The following ZNF98 variants were observed in gnomAD, a reference collection of about 807,000 sequenced individuals.
ZNF98 encodes zinc finger protein 98.
Under a neutral mutation model 12.8 loss-of-function variants are expected in ZNF98, and 8 were observed. That is an observed-to-expected ratio of 0.63 (90% CI 0.37 to 1.13). The LOEUF (loss-of-function observed/expected upper bound fraction) is 1.13, where lower values mean the gene tolerates loss of function less well. ZNF98 is among the 50% of genes most tolerant of loss of function. The probability of loss-of-function intolerance (pLI) is 0.01; values close to 1 mark genes in which losing one functional copy is unlikely to be tolerated. For missense variants in ZNF98, 379 were observed against 666.1 expected (o/e 0.57, Z 4.74); for synonymous variants, 112 against 223.5 (o/e 0.50, Z 4.45).
intron 1 of ZNF98, among the ~76,000 whole-genome samples, chr19:22,417,229 CAAAAAAAAAAAAA>C (rs57152900): frequency 8.8e-5 from 4 of 45,480 alleles, no homozygotes; most frequent in African/African-American, 3.2e-4. Context: ...AACTCCATCT[CAAAAAAAAAAAAA>C]AAAAAAAAAA....
chr19:22,413,869 C>CAA (rs57148885), intron 1 of ZNF98, among the ~76,000 whole-genome samples: 3,723 of 42,430 alleles, frequency 0.088, 185 homozygotes, highest in Non-Finnish European at 0.12. Flanking sequence ...AACTCCGTCT[C>CAA]AAAAAAAAAA....
chr19:22,400,381 C>G (rs562698612), intron 3 of ZNF98, among the ~76,000 whole-genome samples: 25 of 152,238 alleles, frequency 1.6e-4, no homozygotes, highest in African/African-American at 5.5e-4. Context: ...CATCTACATC[C>G]TAATATAAAG....
intron 1 of ZNF98, among the ~76,000 whole-genome samples, chr19:22,409,254 T>C (rs1171071090): frequency 2.6e-5 from 4 of 152,150 alleles, no homozygotes; most frequent in Admixed American, 1.3e-4. Flanking sequence ...AAACTGAAAC[T>C]GGACCTCTTC....
At chr19:22,419,061 G>C (rs2145124253) in intron 1 of ZNF98, among the ~76,000 whole-genome samples, 1 of 152,166 alleles carries the variant, frequency 6.6e-6, no homozygotes, top group Non-Finnish European at 1.5e-5. Context: ...CATTAATCTA[G>C]AATCTAACTT....
At chr19:22,418,108 A>G (rs1001422475) in intron 1 of ZNF98, among the ~76,000 whole-genome samples, 1 of 152,172 alleles carries the variant, frequency 6.6e-6, no homozygotes, top group Admixed American at 6.5e-5. Context: ...TAACATTTGA[A>G]TTTGAATTCT....
chr19:22,401,283 A>G (rs1969454119), intron 3 of ZNF98, among the ~76,000 whole-genome samples: 1 of 152,128 alleles, frequency 6.6e-6, no homozygotes, highest in Admixed American at 6.5e-5. Flanking sequence ...TACAAGTGTA[A>G]GTTATGGTTC....
In ZNF98 at chr19:22,392,068, T is replaced by A; in HGVS notation, c.1167A>T (p.Gln389His). The change falls in exon 4 of 4, where the codon CAA (glutamine) becomes CAT (histidine). Residue 389 changes from glutamine to histidine, a missense_variant. This residue lies in a region of ZNF98 where 19 missense variants were observed against 119.7 expected (regional missense o/e 0.16). Coordinates refer to ENST00000357774, the MANE Select transcript of ZNF98 (RefSeq NM_001098626.2). Reference protein sequence around the residue: ...KCEECGKAFKQSSTLTTHKRI... With the variant: ...KCEECGKAFKHSSTLTTHKRI... ...TCTTATGTGTAGTAAGGGTTGAGGATTGTTTAAAAGCTTTGCCACATTCTT... is the reference window on the plus strand; with the variant it reads ...TCTTATGTGTAGTAAGGGTTGAGGAATGTTTAAAAGCTTTGCCACATTCTT... 1 of 1,563,168 alleles carries A rather than the reference T, an allele frequency of 6.4e-7. No homozygotes were observed. The highest frequency in any genetic ancestry group is 8.6e-7 in the Non-Finnish European group (1 of 1,157,252).
intron 1 of ZNF98, among the ~76,000 whole-genome samples, chr19:22,415,117 G>A (rs561819214): frequency 2.0e-5 from 3 of 152,090 alleles, no homozygotes; most frequent in East Asian, 3.9e-4. Context: ...TGGCTAACAA[G>A]CATATAAAAA....
chr19:22,415,867 G>C (rs976021970), intron 1 of ZNF98, among the ~76,000 whole-genome samples: 1 of 150,380 alleles, frequency 6.6e-6, no homozygotes, highest in African/African-American at 2.4e-5. Flanking sequence ...GGCCAAGACA[G>C]GTGGATCACA....
chr19:22,409,711 A>G (rs1391393867), intron 1 of ZNF98, among the ~76,000 whole-genome samples: 1 of 152,056 alleles, frequency 6.6e-6, no homozygotes, highest in Non-Finnish European at 1.5e-5. Flanking sequence ...CAGGAGTTCT[A>G]GACCAGCCTG....
Position 22,392,919 on chromosome 19 carries a change from T to C in ZNF98, c.316A>G (p.Lys106Glu), listed in dbSNP as rs758985335. Residue 106 changes from lysine to glutamate, a missense_variant, in exon 4 of 4, where the codon AAA becomes GAA. Physicochemically the swap from Lys to Glu is moderately conservative, Grantham distance 56. Transcript: ENST00000357774. Reference protein sequence around the residue: ...PKQGKKNYFQKVILRTYKKCG... With the variant: ...PKQGKKNYFQEVILRTYKKCG... The stretch of plus-strand genomic sequence containing the variant: ...TTTTTATATGTTCTCAGTATCACTT[T>C]TTGGAAATAATTTTTTTTGCCCTGC... 6.3e-7 allele frequency: 1 copy of C among 1,586,386 alleles called. No individual in the cohort carries two copies. The highest frequency in any genetic ancestry group is 8.5e-7 in the Non-Finnish European group (1 of 1,170,930).
chr19:22,391,856 T>C lies in ZNF98; in HGVS notation c.1379A>G (p.Lys460Arg), dbSNP rs1239048710. The change falls in exon 4 of 4, where the codon AAA becomes AGA. Residue 460 changes from lysine (K) to arginine (R), a missense_variant. By Grantham distance (26) the Lys-to-Arg change is conservative. This residue lies in a region of ZNF98 where 19 missense variants were observed against 119.7 expected (regional missense o/e 0.16). Coordinates refer to ENST00000357774, the MANE Select transcript of ZNF98 (RefSeq NM_001098626.2). ...TTHKIIHTGE[K>R]PYKCEECGKA... ...GCCACATTCTTCACATTTGTAGGGT[T>C]TCTCTCCAGTATGAATTATCTTATG... 1.9e-6 allele frequency: 3 copies of C among 1,578,636 alleles called. No homozygotes were observed. In the Admixed American group the frequency reaches 5.2e-5, roughly 27 times the overall value.
At chr19:22,406,534 G>A (rs1969520972) in intron 1 of ZNF98, among the ~76,000 whole-genome samples, 1 of 152,148 alleles carries the variant, frequency 6.6e-6, no homozygotes, top group Admixed American at 6.5e-5. Flanking sequence ...AAAAAACGCT[G>A]AAGCCAGGTG....
rs569570217 is a variant in ZNF98, at chr19:22,391,561, A to G, written c.1674T>C (p.Ile558=). Residue 558 remains isoleucine, a synonymous_variant, in exon 4 of 4, where the codon ATT becomes ATC. Coordinates refer to ENST00000357774, the MANE Select transcript of ZNF98 (RefSeq NM_001098626.2). ...PESCNNACDN[I]AKISKYKRNC... ...TTCTTTTATATTTGGAAATCTTTGC[A>G]ATGTTGTCACAAGCATTGTTACAAC... is the stretch of plus-strand genomic sequence containing the variant. The G allele has an allele frequency of 2.2e-4, 356 of 1,597,620 alleles. No individual in the cohort carries two copies. Among genetic ancestry groups the G allele is most frequent in the Non-Finnish European group, 2.9e-4 (337 of 1,171,336 alleles).
Position 22,422,332 on chromosome 19 carries a change from G to T in ZNF98, c.-108C>A. ...GACGAGACCAGGAACTCCGGCTGCA[G>T]CGAGAGACAAAGACCCCGCCACATC... On this transcript the variant is annotated 5_prime_UTR_variant, in exon 1 of 4. It adds an upstream start codon to the 5' untranslated region. Transcript: ENST00000357774. The T allele has an allele frequency of 7.2e-7, 1 of 1,389,286 alleles. No homozygotes were observed. The highest frequency in any genetic ancestry group is 1.0e-6 in the Non-Finnish European group (1 of 986,780). 86.1% of individuals were successfully genotyped at this position (1,389,286 alleles called of 1,614,324 possible). A position where few individuals can be genotyped will look rare whatever the true frequency, so the allele number is the denominator to read the frequency against.
intron 1 of ZNF98, among the ~76,000 whole-genome samples, chr19:22,417,229 C>CAAAAAAAAAAAA (rs57152900): frequency 2.2e-5 from 1 of 45,480 alleles, no homozygotes; most frequent in African/African-American, 1.1e-4. Flanking sequence ...AACTCCATCT[C>CAAAAAAAAAAAA]AAAAAAAAAA....
intron 1 of ZNF98, among the ~76,000 whole-genome samples, chr19:22,417,740 C>T (rs749597314): frequency 6.6e-6 from 1 of 152,186 alleles, no homozygotes; most frequent in Middle Eastern, 3.4e-3. Flanking sequence ...ACACTAGAAT[C>T]AAAAATGCTG....
intron 2 of ZNF98, 79 bp downstream of exon 2, chr19:22,403,307 C>T (rs1599386470): frequency 6.9e-7 from 1 of 1,442,706 alleles, no homozygotes; most frequent in Admixed American, 2.5e-5. Flanking sequence ...GCATAAACTA[C>T]CAAAAAAACC....
rs571335409 is a variant in ZNF98 at position 22,392,911 on chromosome 19, T to C, written c.324A>G (p.Ile108Met). The C allele has an allele frequency of 1.3e-6, 2 of 1,592,798 alleles. No individual in the cohort carries two copies. The highest frequency in any genetic ancestry group is 2.2e-5 in the East Asian group (1 of 44,726). Residue 108 changes from isoleucine to methionine, a missense_variant, in exon 4 of 4, where the codon ATA (isoleucine) becomes ATG (methionine). By Grantham distance (10) the Ile-to-Met change is conservative. This residue lies in a region of ZNF98 where 223 missense variants were observed against 261.6 expected (regional missense o/e 0.85). Transcript: ENST00000357774. ...QGKKNYFQKV[I>M]LRTYKKCGRE... ...GTCCACATTTTTTATATGTTCTCAG[T>C]ATCACTTTTTGGAAATAATTTTTTT...
Sources: allele counts gnomAD v4.1 joint callset (sites outside exome capture counted in the v4.1 genomes callset), GRCh38; gene constraint gnomAD v4.1.1; regional missense constraint gnomAD v4.1.1; transcripts MANE v1.5; gene names NCBI Gene and HGNC (gene_info 2026-07-23, HGNC 2026-07-21).